The following GALNT1 variants were observed in gnomAD, a reference collection of about 807,000 sequenced individuals.
GALNT1 encodes the protein polypeptide N-acetylgalactosaminyltransferase 1.
In GALNT1, 17 loss-of-function variants were observed where a neutral mutation model predicts 65.7. The observed-to-expected ratio is 0.26, with a 90% CI of 0.18 to 0.39. GALNT1 has a LOEUF of 0.39. GALNT1 is among the 10% of genes least tolerant of loss of function. The pLI is 1.00. For synonymous variants in GALNT1, 210 were observed against 219.7 expected (o/e 0.96, Z 0.39); for missense variants, 460 against 672.8 (o/e 0.68, Z 3.50).
chr18:35,704,430 T>G (rs2048219992), intron 11 of GALNT1, among the ~76,000 whole-genome samples: 1 of 150,802 alleles, frequency 6.6e-6, no homozygotes, highest in South Asian at 2.1e-4. Flanking sequence ...CACCTCAGCC[T>G]CTAGAGGAGC....
chr18:35,635,570 G>C (rs549382875), intron 1 of GALNT1, among the ~76,000 whole-genome samples: 1 of 152,082 alleles, frequency 6.6e-6, no homozygotes, highest in South Asian at 2.1e-4. Flanking sequence ...TAAGTAAAAC[G>C]GACCTGCTGT....
At chr18:35,671,881 C>G (rs2047641790) in intron 3 of GALNT1, among the ~76,000 whole-genome samples, 1 of 152,178 alleles carries the variant, frequency 6.6e-6, no homozygotes, top group Non-Finnish European at 1.5e-5. Context: ...TGGGACATTC[C>G]TAGCTGTAAT....
At chr18:35,654,978 ATG>A (rs942172449) in intron 2 of GALNT1, among the ~76,000 whole-genome samples, 177 bp downstream of exon 2, 1 of 152,206 alleles carries the variant, frequency 6.6e-6, no homozygotes, top group African/African-American at 2.4e-5. Flanking sequence ...AGTTAAAAGC[ATG>A]AAAGTATCAT....
intron 1 of GALNT1, among the ~76,000 whole-genome samples, chr18:35,631,051 G>A (rs573497049): frequency 6.6e-6 from 1 of 152,260 alleles, no homozygotes; most frequent in East Asian, 1.9e-4. Flanking sequence ...CTGAAATTGA[G>A]GCAGTAATTA....
chr18:35,589,307 G>A (rs2046416077), intron 1 of GALNT1, among the ~76,000 whole-genome samples: 1 of 152,300 alleles, frequency 6.6e-6, no homozygotes, highest in Middle Eastern at 3.4e-3. Context: ...ACCCTGGTGT[G>A]TGGGAAGTGG....
intron 2 of GALNT1, among the ~76,000 whole-genome samples, chr18:35,656,752 G>A (rs1218429162): frequency 6.6e-6 from 1 of 152,208 alleles, no homozygotes; most frequent in Non-Finnish European, 1.5e-5. Context: ...TGGACTTCTG[G>A]AAGAATGCTT....
At position 35,711,409 on chromosome 18, in the gene GALNT1, T is replaced by G. The variant is rs1304718889; in HGVS notation, c.*1639T>G. 1 of 152,660 alleles carries G rather than the reference T, an allele frequency of 6.6e-6. No homozygotes were observed. Among genetic ancestry groups the G allele is most frequent in the African/African-American group, 2.4e-5 (1 of 41,458 alleles). The allele number at this position is 152,660 out of a possible 1,614,324, so 9.5% of individuals were successfully genotyped here. ...TTGAGTGTACACAAAGTTTCTCATA[T>G]CCTGTTCAAGTTAATCAACATCAAG... On this transcript the variant is annotated 3_prime_UTR_variant, in exon 12 of 12. Coordinates refer to ENST00000269195, the MANE Select transcript of GALNT1 (RefSeq NM_020474.4).
intron 3 of GALNT1, among the ~76,000 whole-genome samples, chr18:35,666,938 C>CT (rs199769405): frequency 6.6e-6 from 1 of 151,288 alleles, no homozygotes; most frequent in Non-Finnish European, 1.5e-5. Flanking sequence ...GACTGATAAC[C>CT]TTTTTTAAAA....
chr18:35,694,088 T>A (rs1208047452), intron 9 of GALNT1, among the ~76,000 whole-genome samples: 1 of 152,142 alleles, frequency 6.6e-6, no homozygotes, highest in African/African-American at 2.4e-5. Context: ...TACTTAGAAT[T>A]GGTTATTGCA....
chr18:35,647,954 G>A (rs12959052), intron 1 of GALNT1, among the ~76,000 whole-genome samples: 1 of 151,880 alleles, frequency 6.6e-6, no homozygotes, highest in South Asian at 2.1e-4. Flanking sequence ...GGCCGTGGTG[G>A]GTGGATCACT....
intron 1 of GALNT1, among the ~76,000 whole-genome samples, chr18:35,589,320 G>C (rs1178990825): frequency 6.6e-6 from 1 of 152,174 alleles, no homozygotes; most frequent in African/African-American, 2.4e-5. Flanking sequence ...GGAAGTGGGT[G>C]CCTTATTATA....
At chr18:35,683,673 AT>A in intron 5 of GALNT1, 75 bp downstream of exon 5, 1 of 1,115,862 alleles carries the variant, frequency 9.0e-7, no homozygotes, top group Non-Finnish European at 1.3e-6. Context: ...CAAATTCTAT[AT>A]TTTTTAAATA....
rs1345313301 is a variant in GALNT1, at chr18:35,641,281, CA to C, written c.-103-13271del. On this transcript the variant is annotated intron_variant, in intron 1 of 11. Coordinates refer to ENST00000269195, the MANE Select transcript of GALNT1 (RefSeq NM_020474.4). ...CCAATATGGTGAAACCCTCTCTTTGCAAAAAAAATACAAAAATTAGGCGGGC... is the reference window on the plus strand; with the variant it reads ...CCAATATGGTGAAACCCTCTCTTTGCAAAAAAATACAAAAATTAGGCGGGC... 2.6e-5 allele frequency among the ~76,000 whole-genome samples: 4 copies of C among 151,552 alleles called. No homozygotes were observed. The South Asian group carries it at 6.2e-4, about 24-fold the overall frequency.
intron 7 of GALNT1, among the ~76,000 whole-genome samples, chr18:35,689,762 T>C (rs922667355): frequency 2.6e-5 from 4 of 152,202 alleles, no homozygotes; most frequent in Non-Finnish European, 5.9e-5. Flanking sequence ...CTAAAATGAC[T>C]CTAAATTAAT....
At chr18:35,616,530 A>G (rs2046785661) in intron 1 of GALNT1, among the ~76,000 whole-genome samples, 1 of 152,096 alleles carries the variant, frequency 6.6e-6, no homozygotes, top group Admixed American at 6.5e-5. Context: ...TTTTTATCTG[A>G]CCTGCATTGC....
chr18:35,632,143 C>T (rs1338360210), intron 1 of GALNT1, among the ~76,000 whole-genome samples: 2 of 152,158 alleles, frequency 1.3e-5, no homozygotes, highest in Non-Finnish European at 2.9e-5. Flanking sequence ...TTTAGAGATT[C>T]AATGCCATCC....
intron 3 of GALNT1, among the ~76,000 whole-genome samples, chr18:35,666,127 G>A (rs2047546485): frequency 6.6e-6 from 1 of 152,076 alleles, no homozygotes; most frequent in Admixed American, 6.6e-5. Context: ...TAGGAAGTTT[G>A]GGATTGAAAT....
chr18:35,679,448 G>A (rs2047756973), intron 4 of GALNT1, among the ~76,000 whole-genome samples: 1 of 152,170 alleles, frequency 6.6e-6, no homozygotes, highest in African/African-American at 2.4e-5. Flanking sequence ...ACAAGTGACA[G>A]AGAAACTCAC....
chr18:35,609,984 CA>C (rs1446785049), intron 1 of GALNT1, among the ~76,000 whole-genome samples: 1 of 152,104 alleles, frequency 6.6e-6, no homozygotes, highest in African/African-American at 2.4e-5. Context: ...CAGATCATTT[CA>C]ATTTTTTAAT....
Sources: allele counts gnomAD v4.1 joint callset (sites outside exome capture counted in the v4.1 genomes callset), GRCh38; gene constraint gnomAD v4.1.1; transcripts MANE v1.5; gene names NCBI Gene and HGNC (gene_info 2026-07-23, HGNC 2026-07-21).